CFAP206: variants seen among roughly 807,000 people sequenced by gnomAD.
CFAP206 encodes the protein cilia- and flagella-associated protein 206.
A neutral mutation model predicts 65.4 loss-of-function variants in CFAP206; 53 were observed. The ratio of observed to expected loss-of-function variants is 0.81; its 90% CI spans 0.65 to 1.02. CFAP206 has a LOEUF of 1.02. Among genes scored for constraint, CFAP206 ranks in the 50% least tolerant of loss-of-function variants. The probability of loss-of-function intolerance (pLI) is 0.00; values close to 1 mark genes in which losing one functional copy is unlikely to be tolerated. For missense variants in CFAP206, 663 were observed against 753.2 expected (o/e 0.88, Z 1.40); for synonymous variants, 250 against 254.4 (o/e 0.98, Z 0.17).
chr6:87,431,207 C>T (rs1434193851), intron 10 of CFAP206, 34 bp downstream of exon 10: 8 of 1,589,866 alleles, frequency 5.0e-6, no homozygotes, highest in Non-Finnish European at 6.9e-6. Context: ...CTCTCCTTTC[C>T]CCGATTTTTT....
At chr6:87,456,824 T>C (rs560804267) in intron 11 of CFAP206, among the ~76,000 whole-genome samples, 155 of 152,248 alleles carry the variant, frequency 1.0e-3, no homozygotes, top group Non-Finnish European at 1.9e-3. Flanking sequence ...GAAAGATCTC[T>C]ATGAAGATAA....
chr6:87,463,363 G>A (rs989436586), intron 12 of CFAP206, among the ~76,000 whole-genome samples: 5 of 152,160 alleles, frequency 3.3e-5, no homozygotes, highest in Admixed American at 2.0e-4. Flanking sequence ...CTCAAACTCT[G>A]AAATGTTTCC....
chr6:87,415,976 T>C, intron 5 of CFAP206, 102 bp downstream of exon 5: 1 of 937,392 alleles, frequency 1.1e-6, no homozygotes, highest in South Asian at 3.3e-5. Flanking sequence ...AAGTTCCCTT[T>C]TTATCTGAAA....
At chr6:87,423,019 C>G (rs558501581) in intron 7 of CFAP206, among the ~76,000 whole-genome samples, 47 of 151,546 alleles carry the variant, frequency 3.1e-4, no homozygotes, top group African/African-American at 1.1e-3. Flanking sequence ...AGGGTTCAAG[C>G]GATTCTTCTA....
rs1768792195 is a variant in CFAP206, at chr6:87,464,358, T to C, written c.*108T>C. On this transcript the variant is annotated 3_prime_UTR_variant, in exon 13 of 13. Coordinates refer to ENST00000369562, the MANE Select transcript of CFAP206 (RefSeq NM_001031743.3). The stretch of plus-strand genomic sequence containing the variant: ...TAATTTTGTAGGGGTGGCACATTCA[T>C]TGGTTGTGTGACTGTTTATTGGGTT... The C allele has an allele frequency of 4.1e-6, 3 of 738,086 alleles. No homozygotes were observed. The highest frequency in any genetic ancestry group is 3.0e-4 in the Middle Eastern group (1 of 3,334). The allele number at this position is 738,086 out of a possible 1,614,324, so 45.7% of individuals were successfully genotyped here.
At chr6:87,453,177 A>G (rs956378036) in intron 11 of CFAP206, among the ~76,000 whole-genome samples, 4 of 152,164 alleles carry the variant, frequency 2.6e-5, no homozygotes, top group African/African-American at 7.2e-5. Context: ...ATGGCACGAC[A>G]TACTTAAAGT....
At chr6:87,439,569 T>C (rs1726236933) in intron 11 of CFAP206, among the ~76,000 whole-genome samples, 1 of 152,160 alleles carries the variant, frequency 6.6e-6, no homozygotes, top group African/African-American at 2.4e-5. Context: ...TATTTTAATG[T>C]GTAATTTGTC....
chr6:87,427,928 T>G (rs1203392882), intron 8 of CFAP206, among the ~76,000 whole-genome samples: 2 of 151,592 alleles, frequency 1.3e-5, no homozygotes, highest in Non-Finnish European at 2.9e-5. Flanking sequence ...TAACTTGGTG[T>G]CCTTGCAGGG....
At chr6:87,456,670 G>A (rs981133610) in intron 11 of CFAP206, among the ~76,000 whole-genome samples, 5 of 152,144 alleles carry the variant, frequency 3.3e-5, no homozygotes, top group Non-Finnish European at 5.9e-5. Context: ...CAGTAAAGTT[G>A]CAGAATACGA....
intron 7 of CFAP206, among the ~76,000 whole-genome samples, chr6:87,423,224 ATATTTTTTTATTTT>A (rs1767976677): frequency 7.0e-6 from 1 of 143,258 alleles, no homozygotes; most frequent in South Asian, 2.2e-4. Context: ...CAGCCTTAGA[ATATTTTTTTATTTT>A]TATTTTTTTA....
At chr6:87,462,473 T>C (rs1029483243) in intron 12 of CFAP206, among the ~76,000 whole-genome samples, 3 of 152,234 alleles carry the variant, frequency 2.0e-5, no homozygotes, top group Non-Finnish European at 2.9e-5. Context: ...GGGTAACATA[T>C]ATATCCCACT....
intron 11 of CFAP206, among the ~76,000 whole-genome samples, chr6:87,454,648 A>C (rs961414287): frequency 3.9e-5 from 6 of 151,956 alleles, no homozygotes; most frequent in Non-Finnish European, 1.5e-5. Flanking sequence ...GTTTGAGACC[A>C]GCCTGGCCAA....
At chr6:87,416,908 A>C (rs1767842844) in intron 6 of CFAP206, 81 bp downstream of exon 6, 1 of 1,163,078 alleles carries the variant, frequency 8.6e-7, no homozygotes, top group African/African-American at 1.5e-5. Context: ...AATAAACAAC[A>C]CACCACTGGC....
At chr6:87,436,381 C>T (rs199577917) in intron 11 of CFAP206, among the ~76,000 whole-genome samples, 34 of 152,176 alleles carry the variant, frequency 2.2e-4, no homozygotes, top group Middle Eastern at 6.8e-3. Context: ...CCACCACGCC[C>T]GGACTTGTTT....
At position 87,415,881 on chromosome 6, in the gene CFAP206, A is replaced by G; in HGVS notation, c.472+7A>G. 6.7e-7 allele frequency: 1 copy of G among 1,487,108 alleles called. No homozygotes were observed. Among genetic ancestry groups the G allele is most frequent in the Non-Finnish European group, 9.0e-7 (1 of 1,113,660 alleles). 92.1% of individuals were successfully genotyped at this position (1,487,108 alleles called of 1,614,324 possible). ...ACTGTCAGAGAGGTAACAGGTAAAA[A>G]GTATAACCAATTTCCATTTCATAAG... On this transcript the variant is annotated splice_region_variant and intron_variant, in intron 5 of 12. Transcript: ENST00000369562.
At chr6:87,451,864 T>C in intron 11 of CFAP206, among the ~76,000 whole-genome samples, 1 of 141,392 alleles carries the variant, frequency 7.1e-6, no homozygotes, top group East Asian at 2.1e-4. Flanking sequence ...AGAGCGAGAC[T>C]CCATCTCAAA....
chr6:87,429,327 G>A (rs563319165), intron 9 of CFAP206, among the ~76,000 whole-genome samples: 3 of 152,056 alleles, frequency 2.0e-5, no homozygotes, highest in Non-Finnish European at 2.9e-5. Context: ...ATAACCATTC[G>A]TAGTGTTATC....
At chr6:87,427,178 C>T (rs1479785749) in intron 8 of CFAP206, among the ~76,000 whole-genome samples, 1 of 152,198 alleles carries the variant, frequency 6.6e-6, no homozygotes, top group African/African-American at 2.4e-5. Flanking sequence ...CGCTTTGTCG[C>T]CCAGGCTGGA....
chr6:87,450,009 T>C (rs555757353), intron 11 of CFAP206, among the ~76,000 whole-genome samples: 1 of 152,348 alleles, frequency 6.6e-6, no homozygotes, highest in South Asian at 2.1e-4. Flanking sequence ...TGGTGAGAGA[T>C]AGAGGTCTAG....
Sources: gnomAD v4.1 joint callset for allele counts (sites outside exome capture counted in the v4.1 genomes callset) on GRCh38, gnomAD v4.1.1 for gene constraint, MANE v1.5 for transcripts, NCBI Gene and HGNC (gene_info 2026-07-23, HGNC 2026-07-21) for gene names.